Variants in NDST1 observed in about 807,000 individuals in gnomAD.
The protein encoded by NDST1 is bifunctional heparan sulfate N-deacetylase/N-sulfotransferase 1.
NDST1 carries 35 observed loss-of-function variants against 92.8 expected under a neutral mutation model. The observed-to-expected ratio is 0.38, with a 90% confidence interval of 0.29 to 0.50. NDST1 has a LOEUF of 0.50. Among genes scored for constraint, NDST1 ranks in the 20% least tolerant of loss-of-function variants. The pLI is 0.94. For missense variants in NDST1, 822 were observed against 1,182.7 expected, an observed-to-expected ratio of 0.69 and a Z score of 4.47; for synonymous variants, 493 against 500.3, an observed-to-expected ratio of 0.99 and a Z score of 0.19.
intron 2 of NDST1, among the ~76,000 whole-genome samples, chr5:150,523,027 C>T (rs1275476333): frequency 6.6e-6 from 1 of 152,194 alleles, no homozygotes; most frequent in African/African-American, 2.4e-5. Flanking sequence ...GGTGCACTTG[C>T]GCACTGGGCC....
intron 6 of NDST1, among the ~76,000 whole-genome samples, chr5:150,538,915 T>A (rs773133719): frequency 1.3e-5 from 2 of 152,242 alleles, no homozygotes; most frequent in Non-Finnish European, 2.9e-5. Context: ...TGTCTGGGAT[T>A]GCTGCTTCAG....
intron 5 of NDST1, 114 bp downstream of exon 5, chr5:150,535,135 C>G (rs1020398957): frequency 1.4e-6 from 2 of 1,464,234 alleles, no homozygotes; most frequent in African/African-American, 2.8e-5. Flanking sequence ...TTTACTAACA[C>G]CTCTGGGCCA....
At chr5:150,544,725 T>C (rs576755860) in intron 10 of NDST1, among the ~76,000 whole-genome samples, 21 of 152,288 alleles carry the variant, frequency 1.4e-4, no homozygotes, top group South Asian at 4.1e-4. Flanking sequence ...GAGGTGGCCA[T>C]TGCTCTGGTG....
chr5:150,545,545 A>G, intron 11 of NDST1, 59 bp downstream of exon 11: 1 of 1,590,432 alleles, frequency 6.3e-7, no homozygotes, highest in East Asian at 2.2e-5. Flanking sequence ...TCTGACACTC[A>G]GTTACTCACT....
chr5:150,513,489 CAA>C (rs2151256425), intron 1 of NDST1, among the ~76,000 whole-genome samples: 1 of 152,248 alleles, frequency 6.6e-6, no homozygotes, highest in Admixed American at 6.5e-5. Context: ...AGAAAAGATT[CAA>C]AGATTCAAGC....
rs1053133047 is a variant in NDST1 at position 150,555,178 on chromosome 5, A to C, written c.*1846A>C. 3 of 152,496 alleles carry C rather than the reference A, an allele frequency of 2.0e-5. No individual in the cohort carries two copies. The highest frequency in any genetic ancestry group is 1.9e-4 in the East Asian group (1 of 5,172). The allele number at this position is 152,496 out of a possible 1,614,324, so 9.4% of individuals were successfully genotyped here. A position where few individuals can be genotyped will look rare whatever the true frequency, so the allele number is the denominator to read the frequency against. ...CCTCTGAGCCCATCCTTGGGACCCT[A>C]CTCTGTGCCAGGTTCCTGTCCCTTC... On this transcript the variant is annotated 3_prime_UTR_variant, in exon 15 of 15. Transcript: ENST00000261797.
intron 10 of NDST1, 52 bp downstream of exon 10, chr5:150,543,023 C>T (rs1169196585): frequency 1.2e-6 from 2 of 1,611,526 alleles, no homozygotes; most frequent in Non-Finnish European, 1.7e-6. Context: ...CCTGGGGCCT[C>T]CCAGGAGTCT....
At position 150,554,968 on chromosome 5, in the gene NDST1, TG is replaced by T. The variant is rs1755840728; in HGVS notation, c.*1637del. 1 of 152,598 alleles carries T rather than the reference TG, an allele frequency of 6.6e-6. No individual in the cohort carries two copies. Among genetic ancestry groups the T allele is most frequent in the Admixed American group, 6.5e-5 (1 of 15,280 alleles). The allele number at this position is 152,598 out of a possible 1,614,324, so 9.5% of individuals were successfully genotyped here. A position where few individuals can be genotyped will look rare whatever the true frequency, so the allele number is the denominator to read the frequency against. ...CCAGGAAATACTTTCTGGAGAGGCT[TG>T]TCTTGTTCAGAAGACTCTAGCATCT... On this transcript the variant is annotated 3_prime_UTR_variant, in exon 15 of 15. Coordinates refer to ENST00000261797, the MANE Select transcript of NDST1 (RefSeq NM_001543.5).
In NDST1 at chr5:150,517,838, G is replaced by A. The variant is rs1282414903; in HGVS notation, c.-387-3030G>A. On this transcript the variant is annotated intron_variant, in intron 1 of 14. Transcript: ENST00000261797. The stretch of plus-strand genomic sequence containing the variant: ...ACAGCACTCAAGCCTGCGAGGAGTG[G>A]CTGGTGGCTGCTCTCCTCCGCTTCC... 3.9e-5 allele frequency among the ~76,000 whole-genome samples: 6 copies of A among 152,352 alleles called. No individual in the cohort carries two copies. The South Asian group carries it at 1.2e-3, about 32-fold the overall frequency.
At chr5:150,517,391 C>T (rs185489490) in intron 1 of NDST1, among the ~76,000 whole-genome samples, 7 of 151,792 alleles carry the variant, frequency 4.6e-5, no homozygotes, top group Non-Finnish European at 8.8e-5. Flanking sequence ...CCTCCTGCCT[C>T]GACCTCCCAG....
At position 150,542,918 on chromosome 5, in the gene NDST1, C is replaced by T. The variant is rs1755310151; in HGVS notation, c.1917C>T (p.Thr639=). 5 of 1,614,156 alleles carry T rather than the reference C, an allele frequency of 3.1e-6. No individual in the cohort carries two copies. Among genetic ancestry groups the T allele is most frequent in the Non-Finnish European group, 4.2e-6 (5 of 1,180,016 alleles). ...DLSSNYPSSE[T]FEEIQFFNGH... ...GCAGCAACTACCCCAGCTCTGAGAC[C>T]TTTGAGGAGATCCAGTTTTTTAATG... The change falls in exon 10 of 15, where the codon ACC becomes ACT. Residue 639 remains threonine, a synonymous_variant. Coordinates refer to ENST00000261797, the MANE Select transcript of NDST1 (RefSeq NM_001543.5).
chr5:150,519,479 C>T lies in NDST1; in HGVS notation c.-387-1389C>T, dbSNP rs192234721. ...TCCCAGCACTTTGGGAGGCCAAGGC[C>T]GGCGAATCACCTGAGGTCAGGAGTT... On this transcript the variant is annotated intron_variant, in intron 1 of 14. Coordinates refer to ENST00000261797, the MANE Select transcript of NDST1 (RefSeq NM_001543.5). Among the ~76,000 whole-genome samples, 15 of 152,100 alleles carry T rather than the reference C, an allele frequency of 9.9e-5. No homozygotes were observed. In the East Asian group the frequency reaches 2.1e-3, roughly 22 times the overall value.
At chr5:150,517,319 T>TTTTTTTTTTTG (rs1754021867) in intron 1 of NDST1, among the ~76,000 whole-genome samples, 1 of 142,980 alleles carries the variant, frequency 7.0e-6, no homozygotes. Flanking sequence ...TTTTTTTTTT[T>TTTTTTTTTTTG]GTAGAGATGG....
At position 150,539,372 on chromosome 5, in the gene NDST1, C is replaced by T. The variant is rs1457798314; in HGVS notation, c.1566+16C>T. On this transcript the variant is annotated intron_variant, in intron 7 of 14. Coordinates refer to ENST00000261797, the MANE Select transcript of NDST1 (RefSeq NM_001543.5). ...CCTCAATCCTGTGAGTGCTCCACAG[C>T]CCATGGCTGCTGGTGAGAAGGGGCT... The T allele has an allele frequency of 2.5e-6, 4 of 1,613,720 alleles. No homozygotes were observed. The highest frequency in any genetic ancestry group is 1.3e-5 in the African/African-American group (1 of 74,938).
upstream of NDST1, among the ~76,000 whole-genome samples, chr5:150,505,045 TTTA>T (rs1753389300): frequency 6.6e-6 from 1 of 152,220 alleles, no homozygotes; most frequent in African/African-American, 2.4e-5. Flanking sequence ...CCTGCTATAC[TTTA>T]ATAAAGTTGG....
upstream of NDST1, among the ~76,000 whole-genome samples, chr5:150,503,222 C>T (rs571855533): frequency 4.6e-5 from 7 of 152,252 alleles, no homozygotes; most frequent in African/African-American, 1.4e-4. Flanking sequence ...GCTGGTGGAT[C>T]ACCTGAGGTC....
intron 1 of NDST1, among the ~76,000 whole-genome samples, chr5:150,502,539 T>C (rs1753281285): frequency 6.6e-6 from 1 of 151,922 alleles, no homozygotes; most frequent in Non-Finnish European, 1.5e-5. Context: ...ATGGTGCACA[T>C]GGGTGCTGGG....
At chr5:150,551,283 T>C (rs1341457976) in intron 13 of NDST1, among the ~76,000 whole-genome samples, 1 of 152,192 alleles carries the variant, frequency 6.6e-6, no homozygotes, top group Non-Finnish European at 1.5e-5. Flanking sequence ...TAAGTGCAGC[T>C]GTGGATACTG....
intron 2 of NDST1, among the ~76,000 whole-genome samples, chr5:150,522,700 A>G (rs952519199): frequency 2.0e-5 from 3 of 152,188 alleles, no homozygotes; most frequent in African/African-American, 4.8e-5. Context: ...GGTGACAGGC[A>G]GTGAGCAAAT....
Sources: allele counts gnomAD v4.1 joint callset (sites outside exome capture counted in the v4.1 genomes callset), GRCh38; gene constraint gnomAD v4.1.1; transcripts MANE v1.5; gene names NCBI Gene and HGNC (gene_info 2026-07-23, HGNC 2026-07-21).